RTKN2: variants seen among roughly 807,000 people sequenced by gnomAD.
RTKN2 encodes rhotekin-2.
Under a neutral mutation model 71.5 loss-of-function variants are expected in RTKN2, and 69 were observed. The observed-to-expected ratio is 0.96, with a 90% CI of 0.79 to 1.18. RTKN2 has a LOEUF of 1.18. Ranked by LOEUF, RTKN2 falls within the 50% of genes most tolerant of loss-of-function variation. The pLI is 0.00. For synonymous variants in RTKN2, 236 were observed against 236.5 expected (o/e 1.00, Z 0.02); for missense variants, 724 against 719.7 (o/e 1.01, Z -0.07).
At chr10:62,227,525 G>T (rs1437621744) in intron 6 of RTKN2, among the ~76,000 whole-genome samples, 2 of 152,184 alleles carry the variant, frequency 1.3e-5, no homozygotes, top group African/African-American at 4.8e-5. Context: ...GAGGCAGAGT[G>T]ATTTGAGATG....
intron 8 of RTKN2, among the ~76,000 whole-genome samples, chr10:62,186,168 T>C (rs1284431355): frequency 6.6e-6 from 1 of 152,138 alleles, no homozygotes; most frequent in Admixed American, 6.5e-5. Context: ...TTGGCTCCCC[T>C]GCCCTGGAGC....
chr10:62,219,118 A>G (rs566948350), intron 7 of RTKN2, among the ~76,000 whole-genome samples: 2 of 152,322 alleles, frequency 1.3e-5, no homozygotes, highest in Admixed American at 6.5e-5. Flanking sequence ...TAGAGCCCCC[A>G]ACATGAACAT....
intron 2 of RTKN2, among the ~76,000 whole-genome samples, chr10:62,261,119 CACTT>C (rs968014935): frequency 6.6e-6 from 1 of 152,304 alleles, no homozygotes; most frequent in African/African-American, 2.4e-5. Context: ...GAGAAGCACT[CACTT>C]AAACCAATGT....
chr10:62,255,529 A>G (rs1842659130), intron 2 of RTKN2, among the ~76,000 whole-genome samples: 1 of 152,232 alleles, frequency 6.6e-6, no homozygotes, highest in African/African-American at 2.4e-5. Flanking sequence ...CCTTCTTTAT[A>G]GAAGAGTATC....
In RTKN2 at chr10:62,198,398, T is replaced by G. The variant is rs947695984; in HGVS notation, c.1340A>C (p.Gln447Pro). ...CCCATTTGTCTCTTCAATTTTTTTT[T>G]GTATTATATCCGTTAAACTTTCAAG... ...MKLESLTDII[Q>P]KKIEETNGQF... The change falls in exon 12 of 12, where the codon CAA becomes CCA. Residue 447 changes from glutamine (Q) to proline (P), a missense_variant. Coordinates refer to ENST00000373789, the MANE Select transcript of RTKN2 (RefSeq NM_145307.4). 6.3e-7 allele frequency: 1 copy of G among 1,587,732 alleles called. No homozygotes were observed. The highest frequency in any genetic ancestry group is 1.2e-5 in the South Asian group (1 of 86,182).
intron 5 of RTKN2, among the ~76,000 whole-genome samples, chr10:62,237,259 A>T (rs920893962): frequency 6.6e-6 from 1 of 152,024 alleles, no homozygotes; most frequent in Non-Finnish European, 1.5e-5. Flanking sequence ...TTTTAAAATA[A>T]ATAAAAGACT....
chr10:62,239,194 A>G (rs1192637536), intron 5 of RTKN2: 1 of 152,916 alleles, frequency 6.5e-6, no homozygotes, highest in African/African-American at 2.4e-5. Flanking sequence ...TGCTCTTCCT[A>G]TATAGCATGT....
chr10:62,196,788 T>C lies in RTKN2; in HGVS notation c.*1120A>G. 1.0e-6 allele frequency: 1 copy of C among 976,868 alleles called. No homozygotes were observed. Among genetic ancestry groups the C allele is most frequent in the Non-Finnish European group, 1.2e-6 (1 of 822,184 alleles). The allele number at this position is 976,868 out of a possible 1,614,324, so 60.5% of individuals were successfully genotyped here. On this transcript the variant is annotated 3_prime_UTR_variant, in exon 12 of 12. Transcript: ENST00000373789. ...GATTTTTAAAACTGTTCTGCTCTTG[T>C]TTACAAAAAGCATTATTATAAAAAA... is the stretch of plus-strand genomic sequence containing the variant.
chr10:62,263,909 C>T (rs898198121), intron 1 of RTKN2, among the ~76,000 whole-genome samples: 6 of 152,162 alleles, frequency 3.9e-5, no homozygotes, highest in Middle Eastern at 3.4e-3. Flanking sequence ...AAGTTTCACA[C>T]GCAACATTAA....
chr10:62,210,009 T>C (rs540615616), intron 9 of RTKN2, among the ~76,000 whole-genome samples: 1 of 152,326 alleles, frequency 6.6e-6, no homozygotes, highest in South Asian at 2.1e-4. Flanking sequence ...TCGAATGGTA[T>C]CTGTCTTTAG....
At chr10:62,201,806 A>C (rs754975899) in intron 10 of RTKN2, among the ~76,000 whole-genome samples, 6 of 152,218 alleles carry the variant, frequency 3.9e-5, no homozygotes, top group African/African-American at 1.2e-4. Context: ...TCATGGGTCA[A>C]GACTTTACGA....
chr10:62,190,088 C>A (rs1237065182), downstream of RTKN2, among the ~76,000 whole-genome samples: 3 of 152,130 alleles, frequency 2.0e-5, no homozygotes, highest in Admixed American at 6.5e-5. Flanking sequence ...AATGTTCCTT[C>A]AACCCAGGGC....
chr10:62,267,516 T>A (rs1842888517), intron 1 of RTKN2, among the ~76,000 whole-genome samples: 1 of 152,230 alleles, frequency 6.6e-6, no homozygotes, highest in Admixed American at 6.5e-5. Flanking sequence ...TTGAAATTTT[T>A]GAAAATGCTG....
rs139369118 is a variant in RTKN2 at position 62,236,566 on chromosome 10, G to A, written c.489-303C>T. On this transcript the variant is annotated intron_variant, in intron 5 of 11. Coordinates refer to ENST00000373789, the MANE Select transcript of RTKN2 (RefSeq NM_145307.4). ...AGGGAAACTACTACATGATCCAGCA[G>A]TCCTTCTTCTGGGTTTATACTGGAA... 1.7e-3 allele frequency among the ~76,000 whole-genome samples: 264 copies of A among 152,126 alleles called. 1 individual carries two copies. The highest frequency in any genetic ancestry group is 6.0e-3 in the African/African-American group (251 of 41,552).
chr10:62,241,902 T>C (rs1842383667), intron 3 of RTKN2, among the ~76,000 whole-genome samples: 3 of 152,106 alleles, frequency 2.0e-5, no homozygotes, highest in Admixed American at 2.0e-4. Context: ...GGTTTTACCG[T>C]GTTAGCCAGG....
Position 62,193,377 on chromosome 10 carries a change from T to C in RTKN2, c.*4531A>G. 1.0e-6 allele frequency: 1 copy of C among 981,910 alleles called. No homozygotes were observed. The highest frequency in any genetic ancestry group is 1.2e-6 in the Non-Finnish European group (1 of 826,726). The allele number at this position is 981,910 out of a possible 1,614,324, so 60.8% of individuals were successfully genotyped here. A position where few individuals can be genotyped will look rare whatever the true frequency, so the allele number is the denominator to read the frequency against. On this transcript the variant is annotated 3_prime_UTR_variant, in exon 12 of 12. Coordinates refer to ENST00000373789, the MANE Select transcript of RTKN2 (RefSeq NM_145307.4). ...AAGATCTGGAATGATCTTTTCTAATTATTAAACGTGTCAGCATTAGTATTT... is the reference window on the plus strand; with the variant it reads ...AAGATCTGGAATGATCTTTTCTAATCATTAAACGTGTCAGCATTAGTATTT...
chr10:62,243,017 T>A (rs1842410164), intron 3 of RTKN2, among the ~76,000 whole-genome samples: 3 of 152,104 alleles, frequency 2.0e-5, no homozygotes. Flanking sequence ...AGTTTTAGGG[T>A]ACATGTGCAC....
Position 62,198,135 on chromosome 10 carries a change from C to T in RTKN2, c.1603G>A (p.Val535Ile). The change falls in exon 12 of 12, where the codon GTA (valine) becomes ATA (isoleucine). Residue 535 changes from valine to isoleucine, a missense_variant. Transcript: ENST00000373789. ...GTATCCAAAGACGATGTCTGAGATA[C>T]ACTTGTTTTTCCCCAGTTGTCCTTA... ...LVKDNWGKTS[V>I]SQTSSLDTKL... 1 of 1,614,168 alleles carries T rather than the reference C, an allele frequency of 6.2e-7. No individual in the cohort carries two copies. The highest frequency in any genetic ancestry group is 2.2e-5 in the East Asian group (1 of 44,890).
chr10:62,199,717 G>T, intron 11 of RTKN2, 37 bp downstream of exon 11: 1 of 1,272,766 alleles, frequency 7.9e-7, no homozygotes, highest in Non-Finnish European at 1.1e-6. Context: ...TGTTGTTTTT[G>T]TTATCCTGCA....
Sources: gnomAD v4.1 joint callset for allele counts (sites outside exome capture counted in the v4.1 genomes callset) on GRCh38, gnomAD v4.1.1 for gene constraint, MANE v1.5 for transcripts, NCBI Gene and HGNC (gene_info 2026-07-23, HGNC 2026-07-21) for gene names.